Variants in GALNTL6 observed in about 807,000 individuals in gnomAD.
GALNTL6 encodes polypeptide N-acetylgalactosaminyltransferase-like 6.
A neutral mutation model predicts 73.7 loss-of-function variants in GALNTL6; 46 were observed. The observed-to-expected ratio is 0.62, with a 90% CI of 0.49 to 0.80. GALNTL6 has a LOEUF of 0.80. GALNTL6 is among the 30% of genes least tolerant of loss of function. The pLI, the probability that GALNTL6 is intolerant of heterozygous loss-of-function variation, is 0.00. For missense variants in GALNTL6, 604 were observed against 755.0 expected (o/e 0.80, Z 2.34); for synonymous variants, 259 against 263.7 (o/e 0.98, Z 0.17).
chr4:171,834,211 C>T (rs942496839), intron 2 of GALNTL6, among the ~76,000 whole-genome samples: 5 of 151,894 alleles, frequency 3.3e-5, no homozygotes, highest in African/African-American at 7.2e-5. Context: ...AAATACAGTA[C>T]ATTTGCTCTC....
At chr4:172,257,663 G>T (rs1006053833) in intron 3 of GALNTL6, among the ~76,000 whole-genome samples, 2 of 151,254 alleles carry the variant, frequency 1.3e-5, no homozygotes, top group Non-Finnish European at 3.0e-5. Flanking sequence ...GCTCATTTGT[G>T]CAAGATTGAC....
intron 5 of GALNTL6, among the ~76,000 whole-genome samples, chr4:172,422,219 A>G (rs981337051): frequency 1.8e-4 from 28 of 152,124 alleles, no homozygotes; most frequent in African/African-American, 6.7e-4. Context: ...TCTGTCTCCA[A>G]TTTCTCTTCT....
chr4:172,397,097 T>A (rs1445245631), intron 5 of GALNTL6, among the ~76,000 whole-genome samples: 2 of 152,136 alleles, frequency 1.3e-5, no homozygotes. Flanking sequence ...TAGGTATATA[T>A]ATATGTGTTT....
intron 8 of GALNTL6, among the ~76,000 whole-genome samples, chr4:172,923,993 CAGGG>C (rs1747920070): frequency 6.6e-6 from 1 of 152,018 alleles, no homozygotes; most frequent in Non-Finnish European, 1.5e-5. Flanking sequence ...AGAACCATTT[CAGGG>C]AGGGTCCCAC....
Position 172,959,393 on chromosome 4 carries a change from C to T in GALNTL6, c.1371+7135C>T, listed in dbSNP as rs370784744. Among the ~76,000 whole-genome samples, 22 of 151,928 alleles carry T rather than the reference C, an allele frequency of 1.4e-4. No homozygotes were observed. In the South Asian group the frequency reaches 3.7e-3, roughly 26 times the overall value. ...TAACTAAAATGAGTGCTTAAAAGAG[C>T]ATTGTCTAAGTTGGCACCAGAGTTG... On this transcript the variant is annotated intron_variant, in intron 10 of 12. Coordinates refer to ENST00000506823, the MANE Select transcript of GALNTL6 (RefSeq NM_001034845.3).
chr4:172,777,682 A>G (rs970267681), intron 5 of GALNTL6, among the ~76,000 whole-genome samples: 2 of 152,148 alleles, frequency 1.3e-5, no homozygotes, highest in African/African-American at 2.4e-5. Flanking sequence ...TTTGATATGG[A>G]GGCAGCAAAA....
chr4:172,539,146 CA>C (rs1735457889), intron 5 of GALNTL6, among the ~76,000 whole-genome samples: 1 of 152,136 alleles, frequency 6.6e-6, no homozygotes. Context: ...GAAAAATGTA[CA>C]TGAATTTTTT....
intron 8 of GALNTL6, among the ~76,000 whole-genome samples, chr4:172,920,434 A>G (rs1360764984): frequency 6.6e-6 from 1 of 152,180 alleles, no homozygotes; most frequent in Non-Finnish European, 1.5e-5. Context: ...TTCAAAATCT[A>G]TATCCCAAAG....
intron 4 of GALNTL6, among the ~76,000 whole-genome samples, chr4:172,314,310 G>C (rs188479110): frequency 1.3e-5 from 2 of 152,210 alleles, no homozygotes; most frequent in Non-Finnish European, 2.9e-5. Context: ...AGAGTGCTAG[G>C]AGGGAAGAGT....
At chr4:172,516,917 A>G (rs1327657526) in intron 5 of GALNTL6, among the ~76,000 whole-genome samples, 1 of 152,210 alleles carries the variant, frequency 6.6e-6, no homozygotes, top group African/African-American at 2.4e-5. Context: ...TTTAAGTGAA[A>G]TAAACCAGCC....
At chr4:171,993,185 G>A (rs1287555533) in intron 2 of GALNTL6, among the ~76,000 whole-genome samples, 1 of 125,554 alleles carries the variant, frequency 8.0e-6, no homozygotes, top group Non-Finnish European at 1.7e-5. Context: ...ATAAGATGAT[G>A]AGAGTCAGAA....
At chr4:172,314,600 CTTTTTT>C (rs773057515) in intron 4 of GALNTL6, among the ~76,000 whole-genome samples, 1 of 70,674 alleles carries the variant, frequency 1.4e-5, no homozygotes. Flanking sequence ...AATGCGTAGG[CTTTTTT>C]TTTTTTTTTT....
chr4:171,832,600 AAAT>A (rs1339519305), intron 2 of GALNTL6, among the ~76,000 whole-genome samples: 2 of 151,646 alleles, frequency 1.3e-5, no homozygotes, highest in African/African-American at 4.8e-5. Flanking sequence ...ATAGAGTAAA[AAAT>A]AAGAATATAA....
intron 5 of GALNTL6, among the ~76,000 whole-genome samples, chr4:172,522,373 A>G (rs1480873130): frequency 6.6e-6 from 1 of 152,186 alleles, no homozygotes; most frequent in Non-Finnish European, 1.5e-5. Context: ...GTTACCAGCG[A>G]TAAAAAGTGT....
rs183005628 is a variant in GALNTL6, at chr4:172,005,668, A to T, written c.138+190950A>T. 8.8e-3 allele frequency among the ~76,000 whole-genome samples: 1,339 copies of T among 152,262 alleles called. 5 individuals carry two copies. Among genetic ancestry groups the T allele is most frequent in the Non-Finnish European group, 0.014 (986 of 68,010 alleles). On this transcript the variant is annotated intron_variant, in intron 2 of 12. Coordinates refer to ENST00000506823, the MANE Select transcript of GALNTL6 (RefSeq NM_001034845.3). Reference sequence around the variant, plus strand: ...TGCAATAATATCTTAAAATTCTAAAATAAGGAACATGGTCTAAGCTAAGAT... The same window carrying T: ...TGCAATAATATCTTAAAATTCTAAATTAAGGAACATGGTCTAAGCTAAGAT...
intron 5 of GALNTL6, among the ~76,000 whole-genome samples, chr4:172,662,891 G>A (rs1384488202): frequency 6.6e-6 from 1 of 152,210 alleles, no homozygotes; most frequent in Non-Finnish European, 1.5e-5. Context: ...GAGGTGGTCA[G>A]GTCAGGAACA....
At chr4:172,247,927 A>G (rs1220120175) in intron 3 of GALNTL6, among the ~76,000 whole-genome samples, 1 of 152,210 alleles carries the variant, frequency 6.6e-6, no homozygotes, top group African/African-American at 2.4e-5. Context: ...TTTCAAGTTC[A>G]TACATGACTG....
intron 2 of GALNTL6, among the ~76,000 whole-genome samples, chr4:172,073,492 C>T (rs956722650): frequency 4.6e-5 from 7 of 152,054 alleles, no homozygotes; most frequent in Admixed American, 4.6e-4. Flanking sequence ...AGTAGGGTGC[C>T]TTCTGGAGAT....
chr4:171,889,998 T>C (rs190253829), intron 2 of GALNTL6, among the ~76,000 whole-genome samples: 15 of 152,268 alleles, frequency 9.9e-5, no homozygotes, highest in African/African-American at 3.4e-4. Flanking sequence ...CAGTGGAAAG[T>C]CCAGGAGAAA....
Sources: gnomAD v4.1 joint callset for allele counts (sites outside exome capture counted in the v4.1 genomes callset) on GRCh38, gnomAD v4.1.1 for gene constraint, MANE v1.5 for transcripts, NCBI Gene and HGNC (gene_info 2026-07-23, HGNC 2026-07-21) for gene names.